IFT88: variants seen among roughly 807,000 people sequenced by gnomAD.
IFT88 encodes the protein intraflagellar transport protein 88 homolog.
A neutral mutation model predicts 119.5 loss-of-function variants in IFT88; 74 were observed. The observed-to-expected ratio is 0.62, with a 90% CI of 0.51 to 0.75. The LOEUF is 0.75. Ranked by LOEUF, IFT88 falls within the 30% of genes least tolerant of loss-of-function variation. The probability of loss-of-function intolerance (pLI) is 0.00; values close to 1 mark genes in which losing one functional copy is unlikely to be tolerated. For synonymous variants in IFT88, 279 were observed against 316.7 expected (o/e 0.88, Z 1.26); for missense variants, 961 against 977.7 (o/e 0.98, Z 0.23).
intron 3 of IFT88, among the ~76,000 whole-genome samples, chr13:20,585,354 ATCC>A (rs2039475434): frequency 6.6e-6 from 1 of 152,202 alleles, no homozygotes; most frequent in South Asian, 2.1e-4. Context: ...ACAAATTAAA[ATCC>A]ACCAAGGGAA....
At chr13:20,663,435 A>G (rs775331884) in intron 22 of IFT88, 63 bp from the exon 23 acceptor site, 25 of 1,587,418 alleles carry the variant, frequency 1.6e-5, no homozygotes, top group Non-Finnish European at 2.1e-5. Context: ...TCACTGATTT[A>G]TTGAGCTTTT....
intron 20 of IFT88, among the ~76,000 whole-genome samples, chr13:20,652,838 G>C (rs1259485989): frequency 6.6e-6 from 1 of 152,172 alleles, no homozygotes; most frequent in Admixed American, 6.5e-5. Flanking sequence ...TTAGCAGAGA[G>C]TAAAGAGGTT....
At chr13:20,569,812 A>G (rs1291401540) in intron 1 of IFT88, among the ~76,000 whole-genome samples, 1 of 151,976 alleles carries the variant, frequency 6.6e-6, no homozygotes, top group East Asian at 1.9e-4. Flanking sequence ...GCGGATCACA[A>G]GGTCAGGAGA....
chr13:20,636,736 A>G (rs2049066971), intron 16 of IFT88, among the ~76,000 whole-genome samples: 1 of 152,246 alleles, frequency 6.6e-6, no homozygotes, highest in South Asian at 2.1e-4. Flanking sequence ...TTTGCCTGCT[A>G]CGTAGTCCAA....
rs533178788 is a variant in IFT88, at chr13:20,652,786, A to T, written c.1950-1090A>T. ...GGTAAATGCAACACTAAGTGATTCT[A>T]GGGTGTTAGGAGAGCATATGGAACA... On this transcript the variant is annotated intron_variant, in intron 20 of 25. Coordinates refer to ENST00000351808, the MANE Select transcript of IFT88 (RefSeq NM_006531.5). Among the ~76,000 whole-genome samples, 64 of 152,312 alleles carry T rather than the reference A, an allele frequency of 4.2e-4. 1 individual carries two copies. The South Asian group carries it at 0.013, about 32-fold the overall frequency.
chr13:20,634,255 A>T (rs73433333), intron 16 of IFT88, among the ~76,000 whole-genome samples: 399 of 152,302 alleles, frequency 2.6e-3, no homozygotes, highest in African/African-American at 8.7e-3. Flanking sequence ...TCGTACGTGA[A>T]TCCTGGGAGG....
At chr13:20,610,170 G>GTGTCAGC (rs1395810001) in intron 13 of IFT88, among the ~76,000 whole-genome samples, 1 of 149,718 alleles carries the variant, frequency 6.7e-6, no homozygotes, top group Admixed American at 6.7e-5. Context: ...ATGTTAAGTT[G>GTGTCAGC]TGTCAGCTTA....
In IFT88 at chr13:20,626,043, C is replaced by CTTTTTTTTT. The variant is rs528587128; in HGVS notation, c.1299+221_1299+229dup. ...ATTAATTTTTGCCTGTTTGTCGTTTCTTTTTTTTTTTTTTTTTTTTTTTTT... is the reference window on the plus strand; with the variant it reads ...ATTAATTTTTGCCTGTTTGTCGTTTCTTTTTTTTTTTTTTTTTTTTTTTTTTTTTTTTTT... On this transcript the variant is annotated intron_variant, in intron 15 of 25. Coordinates refer to ENST00000351808, the MANE Select transcript of IFT88 (RefSeq NM_006531.5). 7.6e-5 allele frequency among the ~76,000 whole-genome samples: 3 copies of CTTTTTTTTT among 39,574 alleles called. 1 individual carries two copies. The highest frequency in any genetic ancestry group is 3.5e-4 in the African/African-American group (3 of 8,582). The allele number at this position is 39,574 out of a possible 152,430, so 26.0% of individuals were successfully genotyped here.
intron 24 of IFT88, among the ~76,000 whole-genome samples, chr13:20,676,842 A>G (rs750404445): frequency 2.0e-5 from 3 of 152,224 alleles, no homozygotes; most frequent in African/African-American, 7.2e-5. Context: ...ATGCACATAC[A>G]TACATATATA....
chr13:20,688,533 A>G (rs2058183655), intron 24 of IFT88, among the ~76,000 whole-genome samples: 1 of 152,242 alleles, frequency 6.6e-6, no homozygotes, highest in Admixed American at 6.5e-5. Context: ...TTTAAAGTGG[A>G]CTTCAGTTGG....
intron 13 of IFT88, chr13:20,607,914 G>A (rs2043793934): frequency 3.0e-6 from 2 of 677,512 alleles, no homozygotes. Flanking sequence ...CCATCCTCGG[G>A]GTCTTCCTCT....
intron 16 of IFT88, among the ~76,000 whole-genome samples, chr13:20,633,824 G>C (rs1320452553): frequency 6.6e-6 from 1 of 152,110 alleles, no homozygotes; most frequent in Non-Finnish European, 1.5e-5. Flanking sequence ...ATATATTGCT[G>C]GTATCCGGCA....
At chr13:20,627,766 A>G (rs1009762032) in intron 15 of IFT88, among the ~76,000 whole-genome samples, 2 of 148,814 alleles carry the variant, frequency 1.3e-5, no homozygotes, top group Non-Finnish European at 3.0e-5. Flanking sequence ...TTAAGAATGC[A>G]TTGCCATGGC....
rs745550205 is a variant in IFT88, at chr13:20,690,771, C to G, written c.2309C>G (p.Pro770Arg). 3 of 1,613,822 alleles carry G rather than the reference C, an allele frequency of 1.9e-6. No individual in the cohort carries two copies. Among genetic ancestry groups the G allele is most frequent in the Admixed American group, 1.7e-5 (1 of 60,020 alleles). Residue 770 changes from proline to arginine, a missense_variant, in exon 25 of 26, where the codon CCT becomes CGT. By Grantham distance (103) the Pro-to-Arg change is moderately radical. Coordinates refer to ENST00000351808, the MANE Select transcript of IFT88 (RefSeq NM_006531.5). ...CTAAGTGCCAGACTCAGAGCTTTAC[C>G]TGGGACAAATGAACCTTATGAAAGT... ...ERLSARLRAL[P>R]GTNEPYESSS...
intron 22 of IFT88, among the ~76,000 whole-genome samples, chr13:20,661,683 T>C (rs538450091): frequency 8.1e-4 from 122 of 151,316 alleles, no homozygotes; most frequent in African/African-American, 2.9e-3. Flanking sequence ...TGCAGTGAGC[T>C]GATATTGCGC....
chr13:20,631,038 T>G lies in IFT88; in HGVS notation c.1322T>G (p.Leu441Trp). The G allele has an allele frequency of 6.3e-7, 1 of 1,599,258 alleles. No homozygotes were observed. ...TAGGCTGTAGAGATCTTAAAAGTGT[T>G]GGAAAAAAAGGACAGTAGAGTGAAA... ...YNQAVEILKVLEKKDSRVKSA... is the reference protein window; with the variant it reads ...YNQAVEILKVWEKKDSRVKSA... Residue 441 changes from leucine to tryptophan, a missense_variant, in exon 16 of 26, where the codon TTG (leucine) becomes TGG (tryptophan). By Grantham distance (61) the Leu-to-Trp change is moderately conservative. Transcript: ENST00000351808.
intron 1 of IFT88, 95 bp from the exon 2 acceptor site, chr13:20,574,285 A>C (rs895981114): frequency 8.9e-6 from 5 of 563,830 alleles, no homozygotes; most frequent in Non-Finnish European, 1.5e-5. Context: ...GTGCTACTGC[A>C]TTCCAGCCTG....
chr13:20,572,296 G>A (rs2036521015), intron 1 of IFT88, among the ~76,000 whole-genome samples: 1 of 151,782 alleles, frequency 6.6e-6, no homozygotes, highest in African/African-American at 2.4e-5. Flanking sequence ...TCAGCTCACT[G>A]CAACCTCTGC....
intron 16 of IFT88, among the ~76,000 whole-genome samples, chr13:20,634,735 CA>C (rs377403226): frequency 1.6e-3 from 203 of 125,680 alleles, no homozygotes; most frequent in South Asian, 2.3e-3. Flanking sequence ...CTCAAACAAA[CA>C]AAAAAAAAAA....
Sources: gnomAD v4.1 joint callset for allele counts (sites outside exome capture counted in the v4.1 genomes callset) on GRCh38, gnomAD v4.1.1 for gene constraint, MANE v1.5 for transcripts, NCBI Gene and HGNC (gene_info 2026-07-23, HGNC 2026-07-21) for gene names.